Variants in CTNNA2 observed in about 807,000 individuals in gnomAD.
CTNNA2 encodes the protein catenin alpha 2.
A neutral mutation model predicts 101.0 loss-of-function variants in CTNNA2; 42 were observed. The observed-to-expected ratio is 0.42, with a 90% CI of 0.32 to 0.54. The LOEUF (loss-of-function observed/expected upper bound fraction) is 0.54, where lower values mean the gene tolerates loss of function less well. CTNNA2 is among the 20% of genes least tolerant of loss of function. The pLI is 0.14. For missense variants in CTNNA2, 871 were observed against 1,223.1 expected, an observed-to-expected ratio of 0.71 and a Z score of 4.29; for synonymous variants, 450 against 456.4, an observed-to-expected ratio of 0.99 and a Z score of 0.18.
Position 79,595,670 on chromosome 2 carries a change from C to T in CTNNA2, c.-5-55882C>T, listed in dbSNP as rs1677140489. Among the ~76,000 whole-genome samples the T allele has an allele frequency of 2.0e-5, 3 of 152,042 alleles. No individual in the cohort carries two copies. The South Asian group carries it at 6.2e-4, about 32-fold the overall frequency. ...ACATCTGTTTCTTCCTTAGTCTTAA[C>T]TCTCGCTACGCTACCTTAATTTAGA... On this transcript the variant is annotated intron_variant, in intron 1 of 18. Transcript: ENST00000402739.
intron 8 of CTNNA2, among the ~76,000 whole-genome samples, chr2:80,401,744 C>T (rs1481626574): frequency 1.3e-5 from 2 of 151,322 alleles, no homozygotes; most frequent in African/African-American, 4.9e-5. Flanking sequence ...TTCACAGAGT[C>T]AATACCTGTT....
At chr2:79,406,394 C>A (rs1177719204) in intron 4 of CTNNA2, among the ~76,000 whole-genome samples, 1 of 152,022 alleles carries the variant, frequency 6.6e-6, no homozygotes, top group East Asian at 1.9e-4. Context: ...CTTCTAAAGT[C>A]CAAAAATTCC....
At chr2:79,489,881 G>T (rs759885504) in intron 4 of CTNNA2, among the ~76,000 whole-genome samples, 13 of 152,194 alleles carry the variant, frequency 8.5e-5, no homozygotes, top group Non-Finnish European at 1.8e-4. Flanking sequence ...AAGGGCAAAA[G>T]GTAAGACCTC....
At chr2:80,118,259 A>G (rs1436566667) in intron 7 of CTNNA2, among the ~76,000 whole-genome samples, 1 of 152,224 alleles carries the variant, frequency 6.6e-6, no homozygotes, top group Non-Finnish European at 1.5e-5. Flanking sequence ...AGTCTATTCA[A>G]AATAGACGTG....
At chr2:79,710,506 G>A (rs985403839) in intron 2 of CTNNA2, among the ~76,000 whole-genome samples, 1 of 152,198 alleles carries the variant, frequency 6.6e-6, no homozygotes, top group Non-Finnish European at 1.5e-5. Flanking sequence ...GAATAGAAGT[G>A]TTTCCATTTC....
In CTNNA2 at chr2:80,171,668, G is replaced by GA. The variant is rs546916722; in HGVS notation, c.1057-221536dup. Among the ~76,000 whole-genome samples, 4 of 152,114 alleles carry GA rather than the reference G, an allele frequency of 2.6e-5. No individual in the cohort carries two copies. The South Asian group carries it at 6.2e-4, about 24-fold the overall frequency. ...TTGCTGATTCCCAGGTTGTTGTAAT[G>GA]AAAAAAAGCGATGCCCAGGGAAAGC... On this transcript the variant is annotated intron_variant, in intron 7 of 18. Coordinates refer to ENST00000402739, the MANE Select transcript of CTNNA2 (RefSeq NM_001282597.3).
At chr2:79,811,528 A>G (rs1677037838) in intron 3 of CTNNA2, among the ~76,000 whole-genome samples, 4 of 152,152 alleles carry the variant, frequency 2.6e-5, no homozygotes, top group African/African-American at 9.7e-5. Flanking sequence ...TCTAAAAGTC[A>G]ATTGATCATA....
intron 7 of CTNNA2, among the ~76,000 whole-genome samples, chr2:80,126,459 TTCTCTC>T (rs61295855): frequency 6.0e-4 from 89 of 148,234 alleles, no homozygotes; most frequent in African/African-American, 1.9e-3. Flanking sequence ...ACTCCTACCA[TTCTCTC>T]TCTCTCTCTC....
chr2:79,438,913 G>A (rs755659870), intron 4 of CTNNA2, among the ~76,000 whole-genome samples: 4 of 152,144 alleles, frequency 2.6e-5, no homozygotes, highest in African/African-American at 4.8e-5. Context: ...AAAAAGATTG[G>A]TAATAATAAC....
chr2:79,332,156 T>C (rs1235221402), intron 3 of CTNNA2, among the ~76,000 whole-genome samples: 2 of 152,082 alleles, frequency 1.3e-5, no homozygotes, highest in Admixed American at 1.3e-4. Context: ...GAATTGTTAT[T>C]AAAATAACCC....
intron 4 of CTNNA2, among the ~76,000 whole-genome samples, chr2:79,422,178 T>G (rs984286771): frequency 6.6e-6 from 1 of 152,102 alleles, no homozygotes; most frequent in Non-Finnish European, 1.5e-5. Flanking sequence ...GTGAAGCTTA[T>G]GCTTTCCTGT....
In CTNNA2 at chr2:80,240,962, G is replaced by A. The variant is rs191826699; in HGVS notation, c.1057-152249G>A. Among the ~76,000 whole-genome samples the A allele has an allele frequency of 5.7e-3, 863 of 152,246 alleles. 5 individuals carry two copies. The highest frequency in any genetic ancestry group is 9.6e-3 in the Non-Finnish European group (653 of 68,018). On this transcript the variant is annotated intron_variant, in intron 7 of 18. Coordinates refer to ENST00000402739, the MANE Select transcript of CTNNA2 (RefSeq NM_001282597.3). ...GGGTGGCATTTTAGGAGCCAGACAG[G>A]TCCATGAATGCCCTTCCCACTGCCC...
rs116818506 is a variant in CTNNA2, at chr2:79,774,969, A to G, written c.298+30387A>G. On this transcript the variant is annotated intron_variant, in intron 3 of 18. Coordinates refer to ENST00000402739, the MANE Select transcript of CTNNA2 (RefSeq NM_001282597.3). Reference sequence around the variant, plus strand: ...ACATTAGGGGTCATTTTTATCACCAATGAATATTTTAAAGCCATCCCTTTA... The same window carrying G: ...ACATTAGGGGTCATTTTTATCACCAGTGAATATTTTAAAGCCATCCCTTTA... Among the ~76,000 whole-genome samples, 309 of 152,310 alleles carry G rather than the reference A, an allele frequency of 2.0e-3. 1 individual carries two copies. Among genetic ancestry groups the G allele is most frequent in the South Asian group, 9.5e-3 (46 of 4,828 alleles).
intron 7 of CTNNA2, among the ~76,000 whole-genome samples, chr2:80,112,976 G>A (rs570140672): frequency 2.0e-5 from 3 of 152,208 alleles, no homozygotes; most frequent in Admixed American, 6.5e-5. Context: ...TGTGAGTTGC[G>A]TAAAGGCTGG....
intron 3 of CTNNA2, among the ~76,000 whole-genome samples, chr2:79,345,479 T>C (rs1277710432): frequency 2.0e-5 from 3 of 152,160 alleles, no homozygotes; most frequent in Non-Finnish European, 4.4e-5. Flanking sequence ...GCAAAGACAA[T>C]GACCTCTCCT....
chr2:80,580,431 C>T (rs952971146), intron 13 of CTNNA2, among the ~76,000 whole-genome samples: 3 of 152,132 alleles, frequency 2.0e-5, no homozygotes, highest in Non-Finnish European at 2.9e-5. Context: ...CGTGAATAAA[C>T]TACAACAAAA....
intron 1 of CTNNA2, among the ~76,000 whole-genome samples, chr2:79,520,770 A>T (rs1672061224): frequency 6.6e-6 from 1 of 152,138 alleles, no homozygotes; most frequent in African/African-American, 2.4e-5. Flanking sequence ...TTAAAACCAC[A>T]GTGTGATACC....
At chr2:79,981,297 T>G (rs1194226212) in intron 7 of CTNNA2, among the ~76,000 whole-genome samples, 1 of 152,132 alleles carries the variant, frequency 6.6e-6, no homozygotes, top group Non-Finnish European at 1.5e-5. Context: ...CATAGCTACA[T>G]TTTTTTAGGA....
At chr2:79,308,843 A>G (rs1676304802) in intron 2 of CTNNA2, among the ~76,000 whole-genome samples, 1 of 142,110 alleles carries the variant, frequency 7.0e-6, no homozygotes, top group Non-Finnish European at 1.5e-5. Flanking sequence ...TCTATTGCAT[A>G]TTTTCTTCAA....
Sources: gnomAD v4.1 joint callset for allele counts (sites outside exome capture counted in the v4.1 genomes callset) on GRCh38, gnomAD v4.1.1 for gene constraint, MANE v1.5 for transcripts, NCBI Gene and HGNC (gene_info 2026-07-23, HGNC 2026-07-21) for gene names.